The following JADE2 variants were observed in gnomAD, a reference collection of about 807,000 sequenced individuals.
JADE2 encodes the protein jade family PHD finger 2, also known as E3 ubiquitin-protein ligase Jade-2.
JADE2 carries 13 observed loss-of-function variants against 85.7 expected under a neutral mutation model. That is an observed-to-expected ratio of 0.15 (90% confidence interval 0.10 to 0.24). JADE2 has a LOEUF of 0.24. JADE2 is among the 10% of genes least tolerant of loss of function. The pLI, the probability that JADE2 is intolerant of heterozygous loss-of-function variation, is 1.00. For missense variants in JADE2, 846 were observed against 1,115.9 expected (o/e 0.76, Z 3.45); for synonymous variants, 440 against 456.1 (o/e 0.96, Z 0.45).
At chr5:134,524,692 A>C (rs972711471), upstream of JADE2, among the ~76,000 whole-genome samples, 3 of 152,162 alleles carry the variant, frequency 2.0e-5, no homozygotes, top group East Asian at 3.9e-4. Flanking sequence ...GCTAGGCGCC[A>C]GGAGGCACCC....
chr5:134,578,488 C>A lies in JADE2; in HGVS notation c.1682-6C>A. On this transcript the variant is annotated splice_region_variant and splice_polypyrimidine_tract_variant and intron_variant, in intron 11 of 11. Coordinates refer to ENST00000681547, the MANE Select transcript of JADE2 (RefSeq NM_001388185.1). This position sits in a 1 kb window ranked among gnomAD's most constrained non-coding sequence, Gnocchi z 4.4. The stretch of plus-strand genomic sequence containing the variant: ...GGCGTCTCACTTGCCTCCTCTCTCC[C>A]CTCAGCAGGCCTGTCCACCTCATTC... The A allele has an allele frequency of 6.4e-7, 1 of 1,560,896 alleles. No individual in the cohort carries two copies. The highest frequency in any genetic ancestry group is 8.7e-7 in the Non-Finnish European group (1 of 1,147,974).
chr5:134,536,183 A>C (rs1160775030), intron 2 of JADE2, among the ~76,000 whole-genome samples: 2 of 152,148 alleles, frequency 1.3e-5, no homozygotes, highest in Non-Finnish European at 1.5e-5. Context: ...CTCTGGTTGG[A>C]ACAGATCGGC....
At chr5:134,560,515 G>A (rs1240185613) in intron 5 of JADE2, among the ~76,000 whole-genome samples, 1 of 152,226 alleles carries the variant, frequency 6.6e-6, no homozygotes. Context: ...GTCACAGGCA[G>A]GCTGTCTAAA....
At chr5:134,576,664 A>G in intron 10 of JADE2, 104 bp from the exon 11 acceptor site, 1 of 1,364,682 alleles carries the variant, frequency 7.3e-7, no homozygotes, top group Admixed American at 2.1e-5. Flanking sequence ...GAGGGTGAGC[A>G]CTGGCTGATG....
At chr5:134,547,189 T>C (rs1377717144) in intron 3 of JADE2, among the ~76,000 whole-genome samples, 1 of 152,218 alleles carries the variant, frequency 6.6e-6, no homozygotes, top group Non-Finnish European at 1.5e-5. Flanking sequence ...GGCAAGGCCA[T>C]GTGATGTGTT....
chr5:134,542,322 C>T (rs1388722741), intron 3 of JADE2, among the ~76,000 whole-genome samples: 1 of 152,076 alleles, frequency 6.6e-6, no homozygotes, highest in East Asian at 1.9e-4. Flanking sequence ...CTTTGTGGAA[C>T]ACATCTCTGA....
intron 4 of JADE2, among the ~76,000 whole-genome samples, chr5:134,557,287 T>G (rs1461482171): frequency 6.6e-6 from 1 of 151,438 alleles, no homozygotes; most frequent in Admixed American, 6.6e-5. Context: ...TTTATTTTTT[T>G]TTTTTTCAGA....
intron 6 of JADE2, among the ~76,000 whole-genome samples, chr5:134,561,639 G>A (rs1020284318): frequency 2.0e-5 from 3 of 152,140 alleles, no homozygotes; most frequent in Admixed American, 6.5e-5. Flanking sequence ...ATGCACCATC[G>A]CTGGAATTGA....
chr5:134,575,210 G>T (rs1764278911), intron 10 of JADE2: 1 of 152,286 alleles, frequency 6.6e-6, no homozygotes, highest in African/African-American at 2.4e-5. Flanking sequence ...TGACTGGTTT[G>T]CCCTGTCCAA....
chr5:134,533,485 A>G, intron 1 of JADE2: 1 of 971,636 alleles, frequency 1.0e-6, no homozygotes, highest in Non-Finnish European at 1.2e-6. Context: ...TGAACCCATC[A>G]ACAACTTCTG....
chr5:134,555,511 A>G (rs182746220), intron 4 of JADE2, among the ~76,000 whole-genome samples: 1 of 152,334 alleles, frequency 6.6e-6, no homozygotes, highest in Non-Finnish European at 1.5e-5. Context: ...TGAAGAGGAG[A>G]GACCCAGGAA....
intron 3 of JADE2, 113 bp from the exon 4 acceptor site, chr5:134,551,939 T>G (rs916072395): frequency 3.2e-5 from 30 of 923,760 alleles, no homozygotes; most frequent in Non-Finnish European, 5.3e-5. Context: ...TATTTCTAAG[T>G]GCGCAGGCAG....
At chr5:134,525,515 G>C (rs1760741355), upstream of JADE2, 4 of 301,636 alleles carry the variant, frequency 1.3e-5, no homozygotes, top group South Asian at 8.1e-5. Context: ...TGGGGGGGCG[G>C]CGACGGGGGT....
rs1764569484 is a variant in JADE2 at position 134,579,089 on chromosome 5, G to A, written c.2277G>A (p.Lys759=). The A allele has an allele frequency of 5.6e-6, 9 of 1,614,110 alleles. No individual in the cohort carries two copies. The highest frequency in any genetic ancestry group is 2.2e-5 in the East Asian group (1 of 44,886). Residue 759 remains lysine, a synonymous_variant, in exon 12 of 12, where the codon AAG becomes AAA. Transcript: ENST00000681547. The surrounding 1 kb of genome is among the most constrained non-coding windows in gnomAD (Gnocchi z 4.6). The part of the protein sequence containing the change: ...LGRLRPPRES[K]VTRRLPGARP... ...GGCTCCGGCCACCCCGCGAGAGCAA[G>A]GTAACCCGGAGATTGCCGGGTGCCA...
intron 4 of JADE2, among the ~76,000 whole-genome samples, chr5:134,559,398 C>T (rs187811696): frequency 6.6e-6 from 1 of 152,352 alleles, no homozygotes; most frequent in East Asian, 1.9e-4. Context: ...TCACTTGTTG[C>T]TGGCACAGGG....
Position 134,562,518 on chromosome 5 carries a change from A to G in JADE2, c.852+151A>G. On this transcript the variant is annotated intron_variant, in intron 7 of 11. Coordinates refer to ENST00000681547, the MANE Select transcript of JADE2 (RefSeq NM_001388185.1). The surrounding 1 kb of genome is among the most constrained non-coding windows in gnomAD (Gnocchi z 4.6). ...CCGGGCGCGGTGGCTCACGCCTGTA[A>G]TCCCAGCATTTTGGGAGGCCGAGGT... The G allele has an allele frequency of 1.3e-6, 1 of 792,972 alleles. No individual in the cohort carries two copies. Among genetic ancestry groups the G allele is most frequent in the East Asian group, 2.8e-5 (1 of 35,868 alleles). 49.1% of individuals were successfully genotyped at this position (792,972 alleles called of 1,614,324 possible).
At chr5:134,577,715 A>C (rs1287555981) in intron 11 of JADE2, among the ~76,000 whole-genome samples, 1 of 151,996 alleles carries the variant, frequency 6.6e-6, no homozygotes, top group Admixed American at 6.5e-5. Flanking sequence ...CTCCCGCAAA[A>C]AGAAGGGGAT....
chr5:134,551,757 G>T (rs191308749), intron 3 of JADE2, among the ~76,000 whole-genome samples: 1 of 152,056 alleles, frequency 6.6e-6, no homozygotes. Context: ...TTCTCTGCCA[G>T]TCTTTCTTTC....
In JADE2 at chr5:134,525,902, C is replaced by A; in HGVS notation, c.-110C>A. 1.0e-6 allele frequency: 1 copy of A among 985,936 alleles called. No homozygotes were observed. The highest frequency in any genetic ancestry group is 1.2e-6 in the Non-Finnish European group (1 of 830,498). 61.1% of individuals were successfully genotyped at this position (985,936 alleles called of 1,614,324 possible). Reference sequence around the variant, plus strand: ...CGGATGGATGCGCGCCCCCCGCCCTCCCGCGCCGGCCCCAGGAGCTCCCGG... The same window carrying A: ...CGGATGGATGCGCGCCCCCCGCCCTACCGCGCCGGCCCCAGGAGCTCCCGG... On this transcript the variant is annotated 5_prime_UTR_variant, in exon 1 of 12. Transcript: ENST00000681547.
Sources: gnomAD v4.1 joint callset for allele counts (sites outside exome capture counted in the v4.1 genomes callset) on GRCh38, gnomAD v4.1.1 for gene constraint, Gnocchi (gnomAD v3.1) non-coding constraint, MANE v1.5 for transcripts, NCBI Gene and HGNC (gene_info 2026-07-23, HGNC 2026-07-21) for gene names.